PCDHA2: variants seen among roughly 807,000 people sequenced by gnomAD.
PCDHA2 encodes protocadherin alpha 2.
Under a neutral mutation model 66.0 loss-of-function variants are expected in PCDHA2, and 58 were observed. The observed-to-expected ratio is 0.88, with a 90% CI of 0.71 to 1.09. The LOEUF is 1.09. Among genes scored for constraint, PCDHA2 ranks in the 50% least tolerant of loss-of-function variants. The pLI is 0.00. For synonymous variants in PCDHA2, 634 were observed against 554.0 expected (o/e 1.14, Z -2.03); for missense variants, 1,267 against 1,242.3 (o/e 1.02, Z -0.30).
chr5:141,010,276 TTGA>T lies in PCDHA2; in HGVS notation c.*343_*345del, dbSNP rs1554262867. On this transcript the variant is annotated 3_prime_UTR_variant, in exon 4 of 4. Transcript: ENST00000526136. ...TGCCCTGTGCTCCGGGGATCCTGTC[TTGA>T]TGACACTTGCAGGGCAGGCTGAAAA... is the stretch of plus-strand genomic sequence containing the variant. The T allele has an allele frequency of 4.5e-6, 7 of 1,551,580 alleles. No individual in the cohort carries two copies. The highest frequency in any genetic ancestry group is 6.1e-6 in the Non-Finnish European group (7 of 1,146,976).
intron 1 of PCDHA2, chr5:140,884,480 A>G (rs782532542): frequency 6.2e-7 from 1 of 1,613,780 alleles, no homozygotes; most frequent in South Asian, 1.1e-5. Context: ...GGGCAAGCCC[A>G]CTCTAGTGTG....
chr5:140,822,178 CAAG>C (rs2150114388), intron 1 of PCDHA2: 27 of 1,614,126 alleles, frequency 1.7e-5, no homozygotes, highest in Middle Eastern at 1.6e-4. Flanking sequence ...GTTCTCCAGA[CAAG>C]AACAAAGATT....
chr5:140,923,055 A>G (rs1233279179), intron 1 of PCDHA2, among the ~76,000 whole-genome samples: 1 of 152,236 alleles, frequency 6.6e-6, no homozygotes, highest in African/African-American at 2.4e-5. Flanking sequence ...TTTAGAATAA[A>G]AGAGCTAGGT....
At chr5:140,965,864 G>A (rs553582487) in intron 1 of PCDHA2, among the ~76,000 whole-genome samples, 1 of 152,254 alleles carries the variant, frequency 6.6e-6, no homozygotes, top group East Asian at 1.9e-4. Flanking sequence ...CTGAAAATAA[G>A]GGCCACTTGG....
At chr5:140,817,805 GT>G (rs1213534688) in intron 1 of PCDHA2, among the ~76,000 whole-genome samples, 1 of 152,064 alleles carries the variant, frequency 6.6e-6, no homozygotes, top group Non-Finnish European at 1.5e-5. Context: ...AAACCTTTAC[GT>G]TTTTATATAT....
At chr5:140,963,206 AC>A (rs145404740) in intron 1 of PCDHA2, among the ~76,000 whole-genome samples, 1,595 of 152,188 alleles carry the variant, frequency 0.01, 28 homozygotes, top group African/African-American at 0.037. Context: ...GAAAAAAAAA[AC>A]CTCGTGTTTA....
chr5:140,869,497 G>C, intron 1 of PCDHA2: 1 of 1,614,202 alleles, frequency 6.2e-7, no homozygotes, highest in South Asian at 1.1e-5. Context: ...CAACCCGCCG[G>C]TGTTCTCGCT....
chr5:140,924,901 A>AAAAAAT (rs369245222), intron 1 of PCDHA2, among the ~76,000 whole-genome samples: 13 of 80,502 alleles, frequency 1.6e-4, no homozygotes, highest in East Asian at 1.6e-3. Flanking sequence ...TCTCAAAAAA[A>AAAAAAT]AAAATAAAAT....
Position 141,009,778 on chromosome 5 carries a change from C to T in PCDHA2, c.2688C>T (p.Ser896=). Residue 896 remains serine, a synonymous_variant, in exon 4 of 4, where the codon TCC becomes TCT. Transcript: ENST00000526136. ...FIIPGSPAII[S]IRQEPTNSQI... ...TCCCAGGATCTCCTGCAATCATCTCCATCCGGCAGGAGCCTACTAACAGCC... is the reference window on the plus strand; with the variant it reads ...TCCCAGGATCTCCTGCAATCATCTCTATCCGGCAGGAGCCTACTAACAGCC... 1.2e-6 allele frequency: 2 copies of T among 1,614,122 alleles called. No homozygotes were observed.
intron 1 of PCDHA2, among the ~76,000 whole-genome samples, chr5:140,838,877 T>C (rs1016544864): frequency 6.6e-6 from 1 of 151,982 alleles, no homozygotes; most frequent in Non-Finnish European, 1.5e-5. Context: ...ATCATGCCAC[T>C]GAACTCCAGC....
At chr5:140,805,006 C>T in intron 1 of PCDHA2, 1 of 1,539,008 alleles carries the variant, frequency 6.5e-7, no homozygotes, top group Non-Finnish European at 8.7e-7. Flanking sequence ...AAATTTAGTT[C>T]TGTTATCAGC....
In PCDHA2 at chr5:140,856,514, G is replaced by C. The variant is rs781942781; in HGVS notation, c.2388+59162G>C. 1 of 1,598,422 alleles carries C rather than the reference G, an allele frequency of 6.3e-7. No individual in the cohort carries two copies. The highest frequency in any genetic ancestry group is 1.3e-5 in the African/African-American group (1 of 74,442). On this transcript the variant is annotated intron_variant, in intron 1 of 3. Coordinates refer to ENST00000526136, the MANE Select transcript of PCDHA2 (RefSeq NM_018905.3). ...TGACTCTCGATTTCCACTAGAAGGC[G>C]CATCTGATGCGGATGTTGGAGAGAA... is the stretch of plus-strand genomic sequence containing the variant.
At chr5:140,812,247 A>T (rs189584389) in intron 1 of PCDHA2, 1 of 151,858 alleles carries the variant, frequency 6.6e-6, no homozygotes, top group Non-Finnish European at 1.5e-5. Context: ...GGTAGTTTGT[A>T]TGTTTCTAGG....
chr5:140,852,598 AT>A, intron 1 of PCDHA2: 1 of 898,436 alleles, frequency 1.1e-6, no homozygotes, highest in Non-Finnish European at 1.3e-6. Context: ...TTTTTTTGTC[AT>A]TTTCTTTCAA....
chr5:140,980,504 C>G (rs1440940887), intron 2 of PCDHA2, among the ~76,000 whole-genome samples: 4 of 152,122 alleles, frequency 2.6e-5, no homozygotes, highest in Non-Finnish European at 5.9e-5. Flanking sequence ...ATGGCATGTG[C>G]CTGTAGTTCC....
rs2150134564 is a variant in PCDHA2, at chr5:140,824,459, A to C, written c.2388+27107A>C. 13 of 431,516 alleles carry C rather than the reference A, an allele frequency of 3.0e-5. No individual in the cohort carries two copies. The Middle Eastern group carries it at 1.8e-3, about 61-fold the overall frequency. The allele number at this position is 431,516 out of a possible 1,614,324, so 26.7% of individuals were successfully genotyped here. ...TCAGTTTATGACTACATGAAAATTT[A>C]TTTTATTTTATTGTTATTTTTTAGA... On this transcript the variant is annotated intron_variant, in intron 1 of 3. Transcript: ENST00000526136.
chr5:140,807,102 G>A (rs1020956208), intron 1 of PCDHA2: 3 of 1,423,066 alleles, frequency 2.1e-6, no homozygotes, highest in African/African-American at 1.4e-5. Context: ...TATGGAGGAT[G>A]CAGCTGCACT....
chr5:140,966,075 T>C (rs1164431515), intron 1 of PCDHA2: 1 of 153,402 alleles, frequency 6.5e-6, no homozygotes, highest in Non-Finnish European at 1.4e-5. Context: ...CCCTGCGTTG[T>C]TTCCTTTTAA....
chr5:141,011,429 A>G lies in PCDHA2; in HGVS notation c.*1492A>G, dbSNP rs1554263477. ...TGTGTATGTGAATGTTAATGCAACT[A>G]TTACCTAGAGTGAACTTTAAGCTTT... On this transcript the variant is annotated 3_prime_UTR_variant, in exon 4 of 4. Coordinates refer to ENST00000526136, the MANE Select transcript of PCDHA2 (RefSeq NM_018905.3). 1.3e-5 allele frequency: 2 copies of G among 153,758 alleles called. No homozygotes were observed. Among genetic ancestry groups the G allele is most frequent in the Non-Finnish European group, 2.9e-5 (2 of 68,036 alleles). 9.5% of individuals were successfully genotyped at this position (153,758 alleles called of 1,614,324 possible).
Sources: gnomAD v4.1 joint callset for allele counts (sites outside exome capture counted in the v4.1 genomes callset) on GRCh38, gnomAD v4.1.1 for gene constraint, MANE v1.5 for transcripts, NCBI Gene and HGNC (gene_info 2026-07-23, HGNC 2026-07-21) for gene names.